The following EPHA3 variants were observed in gnomAD, a reference collection of about 807,000 sequenced individuals.
EPHA3 encodes the protein EPH receptor A3, also known as ephrin type-A receptor 3.
In EPHA3, 42 loss-of-function variants were observed where a neutral mutation model predicts 107.1. The observed-to-expected ratio is 0.39, with a 90% confidence interval of 0.31 to 0.51. The LOEUF is 0.51. Ranked by LOEUF, EPHA3 falls within the 20% of genes least tolerant of loss-of-function variation. EPHA3 has a pLI of 0.78. For synonymous variants in EPHA3, 461 were observed against 424.8 expected (o/e 1.09, Z -1.05); for missense variants, 1,183 against 1,211.2 (o/e 0.98, Z 0.35).
chr3:89,298,601 G>A (rs1343261599), intron 3 of EPHA3, among the ~76,000 whole-genome samples: 4 of 151,932 alleles, frequency 2.6e-5, no homozygotes, highest in African/African-American at 9.7e-5. Flanking sequence ...TTCAGTCTCT[G>A]TTACTTTTTC....
chr3:89,250,340 G>T (rs1010782949), intron 3 of EPHA3, among the ~76,000 whole-genome samples: 1 of 152,016 alleles, frequency 6.6e-6, no homozygotes, highest in Non-Finnish European at 1.5e-5. Flanking sequence ...CATATTTATT[G>T]CCCTTTTCCC....
chr3:89,421,050 C>A (rs1367946476), intron 11 of EPHA3, among the ~76,000 whole-genome samples: 3 of 151,252 alleles, frequency 2.0e-5, no homozygotes, highest in Non-Finnish European at 4.4e-5. Flanking sequence ...TTCATTTCAC[C>A]CCATCCCCAA....
intron 3 of EPHA3, among the ~76,000 whole-genome samples, chr3:89,287,190 T>C (rs561097220): frequency 6.6e-6 from 1 of 152,294 alleles, no homozygotes; most frequent in South Asian, 2.1e-4. Flanking sequence ...TCAAGCACAG[T>C]TCTTAGTCTT....
At chr3:89,154,255 T>A (rs1316977381) in intron 2 of EPHA3, among the ~76,000 whole-genome samples, 1 of 151,724 alleles carries the variant, frequency 6.6e-6, no homozygotes, top group African/African-American at 2.4e-5. Context: ...TTCCTTGTTT[T>A]TTGGGTTTTT....
chr3:89,154,718 T>C (rs1462128477), intron 2 of EPHA3, among the ~76,000 whole-genome samples: 1 of 151,430 alleles, frequency 6.6e-6, no homozygotes, highest in Non-Finnish European at 1.5e-5. Flanking sequence ...ACACAAAGTT[T>C]TCAGATTCAA....
intron 3 of EPHA3, among the ~76,000 whole-genome samples, chr3:89,235,517 C>A (rs1372537591): frequency 1.3e-5 from 2 of 151,846 alleles, no homozygotes; most frequent in African/African-American, 4.8e-5. Flanking sequence ...ATAATTCTTG[C>A]CTTTCATTTC....
intron 3 of EPHA3, among the ~76,000 whole-genome samples, chr3:89,233,231 G>C (rs767772454): frequency 6.6e-6 from 1 of 151,994 alleles, no homozygotes; most frequent in Non-Finnish European, 1.5e-5. Flanking sequence ...GAAAATCAAA[G>C]AAATATTAAA....
intron 15 of EPHA3, among the ~76,000 whole-genome samples, chr3:89,457,063 A>T (rs1044992030): frequency 1.3e-5 from 2 of 152,186 alleles, no homozygotes; most frequent in Non-Finnish European, 2.9e-5. Context: ...TTACTTTTAT[A>T]TTTGGAGTTT....
At chr3:89,402,032 C>T (rs1321012100) in intron 7 of EPHA3, among the ~76,000 whole-genome samples, 1 of 152,206 alleles carries the variant, frequency 6.6e-6, no homozygotes, top group Non-Finnish European at 1.5e-5. Flanking sequence ...GCTCAGATCA[C>T]TATTAGATAA....
chr3:89,232,548 C>T (rs1454272148), intron 3 of EPHA3, among the ~76,000 whole-genome samples: 1 of 152,064 alleles, frequency 6.6e-6, no homozygotes, highest in African/African-American at 2.4e-5. Context: ...TATAACCATA[C>T]CTTCTTTTGG....
intron 3 of EPHA3, among the ~76,000 whole-genome samples, chr3:89,296,492 A>G (rs1706356186): frequency 2.0e-5 from 3 of 152,162 alleles, no homozygotes; most frequent in African/African-American, 4.8e-5. Flanking sequence ...TTTTTGAGCA[A>G]TAGGTCTCAA....
At chr3:89,290,673 C>G (rs61558277) in intron 3 of EPHA3, among the ~76,000 whole-genome samples, 4,930 of 152,114 alleles carry the variant, frequency 0.032, 280 homozygotes, top group African/African-American at 0.11. Flanking sequence ...ATCACAATCT[C>G]TAGTTAATTT....
chr3:89,267,929 G>C (rs1705576363), intron 3 of EPHA3, among the ~76,000 whole-genome samples: 1 of 152,044 alleles, frequency 6.6e-6, no homozygotes, highest in Non-Finnish European at 1.5e-5. Flanking sequence ...ATTCCATTAG[G>C]CTACAAGTAT....
intron 2 of EPHA3, among the ~76,000 whole-genome samples, chr3:89,154,970 A>G (rs1704767886): frequency 6.7e-6 from 1 of 150,234 alleles, no homozygotes; most frequent in Non-Finnish European, 1.5e-5. Context: ...ATTCTGTTTA[A>G]AAGTTTCAAA....
chr3:89,203,674 G>A (rs1273249610), intron 2 of EPHA3, among the ~76,000 whole-genome samples: 1 of 152,058 alleles, frequency 6.6e-6, no homozygotes, highest in Non-Finnish European at 1.5e-5. Flanking sequence ...CTACTCGGGA[G>A]GCTGAGGCAG....
At chr3:89,270,926 G>A (rs547106176) in intron 3 of EPHA3, among the ~76,000 whole-genome samples, 37 of 152,068 alleles carry the variant, frequency 2.4e-4, no homozygotes, top group African/African-American at 8.2e-4. Flanking sequence ...TCATCATAGC[G>A]GTCATCCTCA....
At chr3:89,112,642 GAA>G (rs369818472) in intron 1 of EPHA3, among the ~76,000 whole-genome samples, 1 of 141,840 alleles carries the variant, frequency 7.1e-6, no homozygotes. Flanking sequence ...CAACACAAAT[GAA>G]AAAAAAAAGA....
intron 2 of EPHA3, among the ~76,000 whole-genome samples, chr3:89,182,589 A>G (rs1705466513): frequency 6.6e-6 from 1 of 151,980 alleles, no homozygotes; most frequent in Non-Finnish European, 1.5e-5. Flanking sequence ...AGGTCAATCC[A>G]TACATAAATT....
At chr3:89,257,095 A>G (rs11920519) in intron 3 of EPHA3, among the ~76,000 whole-genome samples, 37,122 of 152,130 alleles carry the variant, frequency 0.24, 4,989 homozygotes, top group African/African-American at 0.38. Context: ...AACAACTTCA[A>G]ATGGCTGGAA....
Sources: gnomAD v4.1 joint callset for allele counts (sites outside exome capture counted in the v4.1 genomes callset) on GRCh38, gnomAD v4.1.1 for gene constraint, MANE v1.5 for transcripts, NCBI Gene and HGNC (gene_info 2026-07-23, HGNC 2026-07-21) for gene names.